NBAS: variants seen among roughly 807,000 people sequenced by gnomAD.
The protein encoded by NBAS is NBAS subunit of NRZ tethering complex.
In NBAS, 219 loss-of-function variants were observed where a neutral mutation model predicts 302.5. That is an observed-to-expected ratio of 0.72 (90% CI 0.65 to 0.81). The LOEUF (loss-of-function observed/expected upper bound fraction) is 0.81, where lower values mean the gene tolerates loss of function less well. Ranked by LOEUF, NBAS falls within the 30% of genes least tolerant of loss-of-function variation. NBAS has a pLI of 0.00. For synonymous variants in NBAS, 1,118 were observed against 1,021.6 expected (o/e 1.09, Z -1.80); for missense variants, 2,932 against 2,841.6 (o/e 1.03, Z -0.72).
intron 7 of NBAS, among the ~76,000 whole-genome samples, chr2:15,538,616 G>A (rs765959366): frequency 2.6e-5 from 4 of 152,042 alleles, no homozygotes; most frequent in Non-Finnish European, 4.4e-5. Context: ...CCTGTATCTC[G>A]TTCAGTTGAT....
chr2:15,454,021 C>A (rs1267066747), intron 21 of NBAS, among the ~76,000 whole-genome samples: 1 of 152,136 alleles, frequency 6.6e-6, no homozygotes, highest in Non-Finnish European at 1.5e-5. Context: ...TCATGATGCG[C>A]CCGCCTCGGC....
At chr2:14,951,683 A>G in the NBAS span, among the ~76,000 whole-genome samples, 1 of 152,188 alleles carries the variant, frequency 6.6e-6, no homozygotes, top group Non-Finnish European at 1.5e-5. Flanking sequence ...TACTGCCTGT[A>G]CTTTAGACAC....
At chr2:15,150,678 T>C in the NBAS span, among the ~76,000 whole-genome samples, 2 of 152,212 alleles carry the variant, frequency 1.3e-5, no homozygotes, top group Admixed American at 6.5e-5. Flanking sequence ...ACTTATACAT[T>C]ATATGATAAT....
chr2:15,538,009 A>C (rs1359453855), intron 7 of NBAS, among the ~76,000 whole-genome samples: 1 of 152,244 alleles, frequency 6.6e-6, no homozygotes, highest in Admixed American at 6.5e-5. Flanking sequence ...AAATATAAAA[A>C]TACCATCAAA....
Position 15,442,511 on chromosome 2 carries a change from T to G in NBAS, c.2340-14717A>C, listed in dbSNP as rs570639012. 6.9e-3 allele frequency among the ~76,000 whole-genome samples: 1,035 copies of G among 150,404 alleles called. 9 individuals carry two copies. The highest frequency in any genetic ancestry group is 0.031 in the East Asian group (150 of 4,910). ...GGGACACATTCAAAGCAGTGTGTAG[T>G]GGGAAATTTATAGCACTAAATGCCC... On this transcript the variant is annotated intron_variant, in intron 21 of 51. Coordinates refer to ENST00000281513, the MANE Select transcript of NBAS (RefSeq NM_015909.4).
the NBAS span, among the ~76,000 whole-genome samples, chr2:15,085,133 G>C: frequency 2.0e-5 from 3 of 152,328 alleles, no homozygotes; most frequent in South Asian, 6.2e-4. Flanking sequence ...TGGGCAGAGG[G>C]ACCCGAGGCA....
the NBAS span, among the ~76,000 whole-genome samples, chr2:14,849,621 A>G: frequency 6.9e-6 from 1 of 144,414 alleles, no homozygotes; most frequent in East Asian, 1.9e-4. Context: ...TCCAAGACAC[A>G]TAATTGTCAG....
chr2:15,292,763 C>T lies in NBAS; in HGVS notation c.4801G>A (p.Asp1601Asn). 6.2e-7 allele frequency: 1 copy of T among 1,614,084 alleles called. No individual in the cohort carries two copies. The highest frequency in any genetic ancestry group is 8.5e-7 in the Non-Finnish European group (1 of 1,179,970). Residue 1601 changes from aspartate to asparagine, a missense_variant, in exon 41 of 52, where the codon GAT (aspartate) becomes AAT (asparagine). Transcript: ENST00000281513. Reference sequence around the variant, plus strand: ...ACCATCTTGATTAGTTCTTTGGGATCAGCCTATGAAAGACATGGAAAAGAA... The same window carrying T: ...ACCATCTTGATTAGTTCTTTGGGATTAGCCTATGAAAGACATGGAAAAGAA... ...RDKCHPLYRA[D>N]PKELIKMVTR...
At position 15,404,594 on chromosome 2, in the gene NBAS, C is replaced by T. The variant is rs371448978; in HGVS notation, c.2938-2293G>A. The stretch of plus-strand genomic sequence containing the variant: ...GTGGTGCAATCTCGGCTCACAGCAA[C>T]CTCCACCTCCCAGGTCCAAGCGATT... On this transcript the variant is annotated intron_variant, in intron 25 of 51. Coordinates refer to ENST00000281513, the MANE Select transcript of NBAS (RefSeq NM_015909.4). Among the ~76,000 whole-genome samples the T allele has an allele frequency of 4.7e-3, 712 of 151,770 alleles. 10 individuals are homozygous for T. The highest frequency in any genetic ancestry group is 0.016 in the African/African-American group (641 of 41,352).
chr2:15,314,833 C>G (rs146831431), intron 38 of NBAS, among the ~76,000 whole-genome samples: 1 of 152,194 alleles, frequency 6.6e-6, no homozygotes, highest in Non-Finnish European at 1.5e-5. Flanking sequence ...CAATGAAATA[C>G]TACTCAATAA....
intron 27 of NBAS, among the ~76,000 whole-genome samples, 165 bp downstream of exon 27, chr2:15,396,248 T>C (rs1426355524): frequency 2.0e-5 from 3 of 152,130 alleles, no homozygotes; most frequent in Admixed American, 6.5e-5. Flanking sequence ...TCCACTACAA[T>C]AGGGGTGCAG....
At chr2:14,846,683 A>C in the NBAS span, among the ~76,000 whole-genome samples, 1 of 152,232 alleles carries the variant, frequency 6.6e-6, no homozygotes, top group Admixed American at 6.5e-5. Context: ...GTGGGGGTAA[A>C]GTTATAGAGT....
chr2:15,045,175 G>A, the NBAS span, among the ~76,000 whole-genome samples: 5 of 152,158 alleles, frequency 3.3e-5, no homozygotes, highest in Admixed American at 3.3e-4. Flanking sequence ...GACCACCAAC[G>A]CCATGTGAGG....
intron 48 of NBAS, among the ~76,000 whole-genome samples, chr2:15,211,387 G>A (rs941824754): frequency 4.6e-5 from 7 of 152,162 alleles, no homozygotes; most frequent in Non-Finnish European, 7.3e-5. Context: ...TGACAGTATC[G>A]AAACAATGTA....
the NBAS span, among the ~76,000 whole-genome samples, chr2:15,022,887 G>C: frequency 2.6e-5 from 4 of 151,702 alleles, no homozygotes; most frequent in Non-Finnish European, 5.9e-5. Context: ...ATAAATACAG[G>C]TATATGATTT....
At chr2:15,031,936 T>C in the NBAS span, among the ~76,000 whole-genome samples, 1 of 152,178 alleles carries the variant, frequency 6.6e-6, no homozygotes, top group Non-Finnish European at 1.5e-5. Context: ...AGTGTAGAAG[T>C]GTGCCTCTAG....
At chr2:15,077,315 G>A in the NBAS span, among the ~76,000 whole-genome samples, 2 of 152,154 alleles carry the variant, frequency 1.3e-5, no homozygotes, top group African/African-American at 4.8e-5. Flanking sequence ...CCTCCCACCA[G>A]GTCCCTCCCT....
At chr2:15,008,401 A>T in the NBAS span, among the ~76,000 whole-genome samples, 5 of 152,320 alleles carry the variant, frequency 3.3e-5, no homozygotes, top group Admixed American at 3.3e-4. Flanking sequence ...TGGTTCCCTG[A>T]TGCCAATCCA....
At chr2:15,282,019 AG>A (rs1669848450) in intron 42 of NBAS, among the ~76,000 whole-genome samples, 1 of 152,222 alleles carries the variant, frequency 6.6e-6, no homozygotes, top group African/African-American at 2.4e-5. Context: ...CTAGACCAAA[AG>A]AAAGAGCAAA....
Sources: allele counts gnomAD v4.1 joint callset (sites outside exome capture counted in the v4.1 genomes callset), GRCh38; gene constraint gnomAD v4.1.1; transcripts MANE v1.5; gene names NCBI Gene and HGNC (gene_info 2026-07-23, HGNC 2026-07-21).